The following CARS1 variants were observed in gnomAD, a reference collection of about 807,000 sequenced individuals.
CARS1 encodes cysteinyl-tRNA synthetase 1.
CARS1 carries 48 observed loss-of-function variants against 106.2 expected under a neutral mutation model. The ratio of observed to expected loss-of-function variants is 0.45; its 90% CI spans 0.36 to 0.57. The LOEUF (loss-of-function observed/expected upper bound fraction) is 0.57, where lower values mean the gene tolerates loss of function less well. CARS1 is among the 20% of genes least tolerant of loss of function. The pLI, the probability that CARS1 is intolerant of heterozygous loss-of-function variation, is 0.00. For missense variants in CARS1, 968 were observed against 1,057.2 expected, an observed-to-expected ratio of 0.92 and a Z score of 1.17; for synonymous variants, 409 against 403.4, an observed-to-expected ratio of 1.01 and a Z score of -0.17.
chr11:3,038,163 CG>C lies in CARS1; in HGVS notation c.687del (p.Asp230IlefsTer84). 1 of 1,614,112 alleles carries C rather than the reference CG, an allele frequency of 6.2e-7. No individual in the cohort carries two copies. Among genetic ancestry groups the C allele is most frequent in the Non-Finnish European group, 8.5e-7 (1 of 1,179,988 alleles). On this transcript the variant is annotated frameshift_variant, in exon 7 of 23. Coordinates refer to ENST00000380525, the MANE Select transcript of CARS1 (RefSeq NM_001014437.3). LOFTEE classifies it high-confidence loss of function. This position sits in a 1 kb window ranked among gnomAD's most constrained non-coding sequence, Gnocchi z 4.0. The stretch of plus-strand genomic sequence containing the variant: ...ATCCGTTCGAGCATCTGCTTTTTAT[CG>C]GGATCCGTGGTCTCATTTAATTTTA... ...FSVKLNETTD[P>X]DKKQMLERIQ...
At chr11:3,049,619 A>G (rs147825393) in intron 1 of CARS1, among the ~76,000 whole-genome samples, 145 of 152,364 alleles carry the variant, frequency 9.5e-4, no homozygotes, top group African/African-American at 3.3e-3. Flanking sequence ...CCTTCCAGAC[A>G]GATACCCTCT....
intron 10 of CARS1, among the ~76,000 whole-genome samples, chr11:3,026,169 ACAGTGGT>A (rs760652041): frequency 4.6e-5 from 7 of 152,202 alleles, no homozygotes; most frequent in Non-Finnish European, 1.0e-4. Context: ...GCAGCATAGA[ACAGTGGT>A]CACCAGAAGC....
At chr11:3,011,381 G>A (rs372674183) in intron 18 of CARS1, among the ~76,000 whole-genome samples, 25 of 152,104 alleles carry the variant, frequency 1.6e-4, no homozygotes, top group African/African-American at 5.3e-4. Context: ...CGAGGCGGGT[G>A]GATCACGAGG....
Position 3,038,106 on chromosome 11 carries a change from G to C in CARS1, c.745C>G (p.Leu249Val), listed in dbSNP as rs751670022. ...QHAVQLATEP[L>V]EKAVQSRLTG... is the part of the protein sequence containing the mutation. The stretch of plus-strand genomic sequence containing the variant: ...AGTCTGGACTGCACAGCTTTCTCAA[G>C]TGGCTCTGTGGCAAGCTGCACTGCG... Residue 249 changes from leucine to valine, a missense_variant, in exon 7 of 23, where the codon CTT becomes GTT. Transcript: ENST00000380525. This position sits in a 1 kb window ranked among gnomAD's most constrained non-coding sequence, Gnocchi z 4.0. The C allele has an allele frequency of 1.2e-6, 2 of 1,614,092 alleles. No individual in the cohort carries two copies. The highest frequency in any genetic ancestry group is 1.1e-5 in the South Asian group (1 of 91,090).
rs767921699 is a variant in CARS1, at chr11:3,006,896, C to T, written c.2132G>A (p.Arg711Gln). 11 of 1,613,908 alleles carry T rather than the reference C, an allele frequency of 6.8e-6. No individual in the cohort carries two copies. The highest frequency in any genetic ancestry group is 1.3e-5 in the African/African-American group (1 of 74,950). Residue 711 changes from arginine to glutamine, a missense_variant, in exon 19 of 23, where the codon CGG (arginine) becomes CAG (glutamine). Physicochemically the swap from Arg to Gln is conservative, Grantham distance 43. Coordinates refer to ENST00000380525, the MANE Select transcript of CARS1 (RefSeq NM_001014437.3). ...TCACCCACCTTCGTGGTCTTCAAAC[C>T]GCACCCCAAGCTCGGGCAGGATGTT... ...RDNILPELGV[R>Q]FEDHEGLPTV...
At chr11:3,012,077 G>C in intron 18 of CARS1, 118 bp downstream of exon 18, 1 of 922,156 alleles carries the variant, frequency 1.1e-6, no homozygotes, top group Non-Finnish European at 1.8e-6. Context: ...GGTGCACGGG[G>C]CAGCCTTCCC....
At chr11:3,051,175 T>C (rs1855647846) in intron 1 of CARS1, among the ~76,000 whole-genome samples, 1 of 152,358 alleles carries the variant, frequency 6.6e-6, no homozygotes, top group South Asian at 2.1e-4. Flanking sequence ...AGGGGCTTGC[T>C]TAGCAGGAGC....
Position 3,040,913 on chromosome 11 carries a change from A to G in CARS1, c.438T>C (p.Ser146=). The change falls in exon 4 of 23, where the codon TCT becomes TCC. Residue 146 remains serine (S), a synonymous_variant. Transcript: ENST00000380525. This position sits in a 1 kb window ranked among gnomAD's most constrained non-coding sequence, Gnocchi z 5.8. ...YCCGPTVYDA[S]HMGHARSYIS... The stretch of plus-strand genomic sequence containing the variant: ...GGACCTACCTGGCGTGCCCCATGTG[A>G]GATGCGTCATAGACGGTTGGCCCAC... The G allele has an allele frequency of 1.9e-6, 3 of 1,614,122 alleles. No individual in the cohort carries two copies. Among genetic ancestry groups the G allele is most frequent in the Non-Finnish European group, 2.5e-6 (3 of 1,180,012 alleles).
Position 3,026,770 on chromosome 11 carries a change from A to G in CARS1, c.1059T>C (p.Phe353=), listed in dbSNP as rs1852122581. ...CGCTAGAAGCAAACTTCGCTGTATC[A>G]AAGTAGACAGACCCATTGGAGACAT... is the stretch of plus-strand genomic sequence containing the variant. ...YGYVSNGSVY[F]DTAKFASSEK... is the part of the protein sequence containing the mutation. The change falls in exon 10 of 23, where the codon TTT becomes TTC. Residue 353 remains phenylalanine (F), a synonymous_variant. Transcript: ENST00000380525. 1 of 1,613,660 alleles carries G rather than the reference A, an allele frequency of 6.2e-7. No individual in the cohort carries two copies. Among genetic ancestry groups the G allele is most frequent in the Non-Finnish European group, 8.5e-7 (1 of 1,179,892 alleles).
chr11:3,054,434 CGGAAA>C (rs1855993944), intron 1 of CARS1, among the ~76,000 whole-genome samples: 1 of 152,220 alleles, frequency 6.6e-6, no homozygotes, highest in Non-Finnish European at 1.5e-5. Context: ...TTCAAATACC[CGGAAA>C]CATGGTACCT....
In CARS1 at chr11:3,021,251, C is replaced by T. The variant is rs1044477685; in HGVS notation, c.1154-919G>A. Among the ~76,000 whole-genome samples the T allele has an allele frequency of 2.0e-5, 3 of 152,238 alleles. No individual in the cohort carries two copies. The highest frequency in any genetic ancestry group is 4.4e-5 in the Non-Finnish European group (3 of 68,048). ...CCAGTCCAAAGGTCACGCAGAGAATCACCCTTTGTTCGATGAATGGGCAGA... is the reference window on the plus strand; with the variant it reads ...CCAGTCCAAAGGTCACGCAGAGAATTACCCTTTGTTCGATGAATGGGCAGA... On this transcript the variant is annotated intron_variant, in intron 10 of 22. Transcript: ENST00000380525. This position sits in a 1 kb window ranked among gnomAD's most constrained non-coding sequence, Gnocchi z 5.3.
rs777353721 is a variant in CARS1, at chr11:3,017,070, A to T, written c.1917+36T>A. ...TGGGGCCTGGCTCCTGTGTCCACAC[A>T]GGCTGAGGGATACGCCTGCCTGGGG... On this transcript the variant is annotated intron_variant, in intron 16 of 22. Transcript: ENST00000380525. The surrounding 1 kb of genome is among the most constrained non-coding windows in gnomAD (Gnocchi z 4.9). 8.3e-6 allele frequency: 13 copies of T among 1,575,492 alleles called. No homozygotes were observed. In the South Asian group the frequency reaches 1.5e-4, roughly 18 times the overall value.
intron 7 of CARS1, among the ~76,000 whole-genome samples, chr11:3,035,386 C>T (rs1044319683): frequency 3.3e-5 from 5 of 152,188 alleles, no homozygotes; most frequent in African/African-American, 1.2e-4. Context: ...CATTCATTGA[C>T]TGATGAAAGG....
At chr11:3,055,120 CTTGAAAAATCTGGGAAGATG>C in intron 1 of CARS1, 3 of 598,536 alleles carry the variant, frequency 5.0e-6, no homozygotes, top group Non-Finnish European at 8.9e-6. Flanking sequence ...TGATGGCCTC[CTTGAAAAATCTGGGAAGATG>C]GTCACTGAAA....
Position 3,052,084 on chromosome 11 carries a change from CA to C in CARS1, c.26-4084del, listed in dbSNP as rs1855749972. Among the ~76,000 whole-genome samples, 1 of 152,230 alleles carries C rather than the reference CA, an allele frequency of 6.6e-6. No homozygotes were observed. Among genetic ancestry groups the C allele is most frequent in the African/African-American group, 2.4e-5 (1 of 41,456 alleles). ...CATTGCTCACATTTTCTGCAGTAAG[CA>C]TCTGCTATTTTTAAAATGAGAAAAA... On this transcript the variant is annotated intron_variant, in intron 1 of 22. Coordinates refer to ENST00000380525, the MANE Select transcript of CARS1 (RefSeq NM_001014437.3). The surrounding 1 kb of genome is among the most constrained non-coding windows in gnomAD (Gnocchi z 4.6).
chr11:3,047,991 G>A lies in CARS1; in HGVS notation c.36C>T (p.Tyr12=), dbSNP rs1229873608. The change falls in exon 2 of 23, where the codon TAC becomes TAT. Residue 12 remains tyrosine (Y), a synonymous_variant. Transcript: ENST00000380525. ...ADSSGQQAPD[Y]RSILSISDEA... ...CGTCACTAATGCTCAGAATGGACCT[G>A]TAGTCAGGAGCTGCAAAGACAGAGG... is the stretch of plus-strand genomic sequence containing the variant. 3.7e-6 allele frequency: 6 copies of A among 1,613,292 alleles called. No individual in the cohort carries two copies. The South Asian group carries it at 6.6e-5, about 18-fold the overall frequency.
intron 17 of CARS1, among the ~76,000 whole-genome samples, chr11:3,013,831 A>T (rs1850735342): frequency 6.6e-6 from 1 of 152,110 alleles, no homozygotes; most frequent in Non-Finnish European, 1.5e-5. Context: ...CCAGCTGTGG[A>T]AAGAAGAGTT....
intron 17 of CARS1, among the ~76,000 whole-genome samples, chr11:3,015,136 A>T (rs1478823116): frequency 6.6e-6 from 1 of 152,230 alleles, no homozygotes; most frequent in East Asian, 1.9e-4. Flanking sequence ...AACTGCAAAC[A>T]GAAGCCAGCA....
At chr11:3,027,880 C>T (rs1291391807) in intron 9 of CARS1, 2 of 453,810 alleles carry the variant, frequency 4.4e-6, no homozygotes, top group Admixed American at 2.4e-5. Context: ...AAGGGAGTCT[C>T]CCTTGCCCCG....
Sources: allele counts gnomAD v4.1 joint callset (sites outside exome capture counted in the v4.1 genomes callset), GRCh38; gene constraint gnomAD v4.1.1; non-coding constraint Gnocchi (gnomAD v3.1); transcripts MANE v1.5; gene names NCBI Gene and HGNC (gene_info 2026-07-23, HGNC 2026-07-21).